CAST: variants seen among roughly 807,000 people sequenced by gnomAD.
The protein encoded by CAST is calpastatin.
In CAST, 76 loss-of-function variants were observed where a neutral mutation model predicts 119.6. The observed-to-expected ratio is 0.64, with a 90% confidence interval of 0.53 to 0.77. CAST has a LOEUF of 0.77. Among genes scored for constraint, CAST ranks in the 30% least tolerant of loss-of-function variants. The pLI is 0.00. For synonymous variants in CAST, 319 were observed against 331.6 expected, an observed-to-expected ratio of 0.96 and a Z score of 0.41; for missense variants, 953 against 946.5, an observed-to-expected ratio of 1.01 and a Z score of -0.09.
rs144679195 is a variant in CAST, at chr5:96,567,892, C to T, written c.60+38012C>T. ...CAATGTTCACATTTTAAAGCCCCCT[C>T]ATGATTTTGGCCTTTTAATCTGCTT... is the stretch of plus-strand genomic sequence containing the variant. On this transcript the variant is annotated intron_variant, in intron 1 of 11. Transcript: ENST00000505143. Among the ~76,000 whole-genome samples the T allele has an allele frequency of 7.1e-3, 1,082 of 152,224 alleles. 25 individuals carry two copies. Among genetic ancestry groups the T allele is most frequent in the African/African-American group, 0.025 (1,053 of 41,538 alleles).
chr5:96,098,185 T>C, the CAST span, among the ~76,000 whole-genome samples: 5 of 152,254 alleles, frequency 3.3e-5, no homozygotes, highest in African/African-American at 1.2e-4. Flanking sequence ...TGTTTTTTCT[T>C]GTAAATTTGT....
chr5:96,729,811 C>A, intron 8 of CAST, 86 bp downstream of exon 8: 1 of 719,366 alleles, frequency 1.4e-6, no homozygotes, highest in South Asian at 1.5e-5. Context: ...GTGTGTAGTT[C>A]AATCTATGGG....
At chr5:96,255,590 C>T in the CAST span, among the ~76,000 whole-genome samples, 3 of 151,980 alleles carry the variant, frequency 2.0e-5, no homozygotes. Flanking sequence ...GTCTGTGGAA[C>T]ACTATGAAAG....
the CAST span, among the ~76,000 whole-genome samples, chr5:95,993,409 C>A: frequency 6.6e-6 from 1 of 152,094 alleles, no homozygotes; most frequent in Non-Finnish European, 1.5e-5. Context: ...TTTTGTACTG[C>A]AAGGGACATT....
At chr5:96,393,429 C>T in the CAST span, 4 of 1,607,130 alleles carry the variant, frequency 2.5e-6, no homozygotes, top group East Asian at 6.7e-5. Flanking sequence ...TTATTTATGG[C>T]CAGGCAAGCT....
At chr5:96,098,963 T>C in the CAST span, among the ~76,000 whole-genome samples, 32 of 152,252 alleles carry the variant, frequency 2.1e-4, no homozygotes, top group African/African-American at 7.7e-4. Flanking sequence ...GAGCATGGAA[T>C]GTTTTGGCAT....
the CAST span, among the ~76,000 whole-genome samples, chr5:96,254,421 T>A: frequency 6.6e-6 from 1 of 152,154 alleles, no homozygotes; most frequent in Non-Finnish European, 1.5e-5. Flanking sequence ...CTAAATTCCA[T>A]ACCTTTTCTC....
intron 1 of CAST, chr5:96,585,165 C>T (rs1432411885): frequency 6.6e-6 from 1 of 152,190 alleles, no homozygotes. Flanking sequence ...AACTCCTAGA[C>T]TCCATTATAT....
upstream of CAST, among the ~76,000 whole-genome samples, chr5:96,661,246 G>T (rs1487323851): frequency 4.0e-5 from 5 of 123,824 alleles, no homozygotes; most frequent in East Asian, 2.3e-4. Context: ...GTGAAACCCC[G>T]TCTCTACCAT....
the CAST span, among the ~76,000 whole-genome samples, chr5:96,395,922 ATAAT>A: frequency 6.6e-6 from 1 of 152,244 alleles, no homozygotes; most frequent in Non-Finnish European, 1.5e-5. Context: ...ACAATTATAA[ATAAT>A]GTGTTAAAAT....
At chr5:96,338,658 A>G in the CAST span, among the ~76,000 whole-genome samples, 15 of 152,290 alleles carry the variant, frequency 9.8e-5, no homozygotes, top group African/African-American at 3.1e-4. Flanking sequence ...TCCAAAGTAT[A>G]TTATATTTCT....
rs757585960 is a variant in CAST, at chr5:96,729,169, A to C, written c.395A>C (p.Glu132Ala). 6.2e-7 allele frequency: 1 copy of C among 1,600,648 alleles called. No homozygotes were observed. Among genetic ancestry groups the C allele is most frequent in the Non-Finnish European group, 8.6e-7 (1 of 1,168,686 alleles). Residue 132 changes from glutamate (E) to alanine (A), a missense_variant, in exon 7 of 32, where the codon GAG (glutamate) becomes GCG (alanine). Coordinates refer to ENST00000675179, the MANE Select transcript of CAST (RefSeq NM_001750.7). ...SQSTKLSVVHEKKSQEGKPKE... is the reference protein window; with the variant it reads ...SQSTKLSVVHAKKSQEGKPKE... ...AATTGACAGCTGTCTGTGGTTCATG[A>C]GAAAAAATCCCAAGAAGGAAAGCCA...
rs778991949 is a variant in CAST, at chr5:96,730,875, G to A, written c.630+15G>A. 6 of 1,591,460 alleles carry A rather than the reference G, an allele frequency of 3.8e-6. No individual in the cohort carries two copies. Among genetic ancestry groups the A allele is most frequent in the Non-Finnish European group, 5.2e-6 (6 of 1,158,966 alleles). On this transcript the variant is annotated intron_variant, in intron 9 of 31. Transcript: ENST00000675179. ...CGGGTGACAAGGTGAGCACACACAA[G>A]CAGACGGAAACGTGGGCCTCTGTGC...
At chr5:96,133,618 C>A in the CAST span, among the ~76,000 whole-genome samples, 1 of 152,100 alleles carries the variant, frequency 6.6e-6, no homozygotes, top group Non-Finnish European at 1.5e-5. Flanking sequence ...GCCAGTTTCC[C>A]ATATTTTCCT....
intron 1 of CAST, among the ~76,000 whole-genome samples, chr5:96,558,551 A>G (rs1746292720): frequency 6.6e-6 from 1 of 152,226 alleles, no homozygotes; most frequent in Admixed American, 6.5e-5. Flanking sequence ...ACAGAAATAC[A>G]AACTACCATC....
At chr5:95,972,623 A>G in the CAST span, among the ~76,000 whole-genome samples, 1 of 152,174 alleles carries the variant, frequency 6.6e-6, no homozygotes, top group Admixed American at 6.5e-5. Flanking sequence ...TAGATACATG[A>G]TTCAAAAACA....
the CAST span, among the ~76,000 whole-genome samples, chr5:96,296,633 AATAG>A: frequency 6.6e-6 from 1 of 152,208 alleles, no homozygotes; most frequent in South Asian, 2.1e-4. Context: ...TGATGCTAAA[AATAG>A]ATAGTATCAG....
At chr5:96,200,022 A>G in the CAST span, among the ~76,000 whole-genome samples, 1 of 152,132 alleles carries the variant, frequency 6.6e-6, no homozygotes, top group East Asian at 1.9e-4. Context: ...AGGCCACTCT[A>G]TAACTGGAAA....
chr5:96,740,735 T>A lies in CAST; in HGVS notation c.880-10T>A. On this transcript the variant is annotated splice_polypyrimidine_tract_variant and intron_variant, in intron 12 of 31. Transcript: ENST00000675179. ...CCTTCTCAACATCATCAAATTAATA[T>A]TTGTTTCAGAAAAAGGAAGGGATCA... is the stretch of plus-strand genomic sequence containing the variant. The A allele has an allele frequency of 6.3e-7, 1 of 1,592,560 alleles. No homozygotes were observed.
Sources: gnomAD v4.1 joint callset for allele counts (sites outside exome capture counted in the v4.1 genomes callset) on GRCh38, gnomAD v4.1.1 for gene constraint, MANE v1.5 for transcripts, NCBI Gene and HGNC (gene_info 2026-07-23, HGNC 2026-07-21) for gene names.